The following MYT1 variants were observed in gnomAD, a reference collection of about 807,000 sequenced individuals.
MYT1 encodes myelin transcription factor 1.
In MYT1, 23 loss-of-function variants were observed where a neutral mutation model predicts 123.0. The observed-to-expected ratio is 0.19, with a 90% CI of 0.13 to 0.26. The LOEUF is 0.26. Ranked by LOEUF, MYT1 falls within the 10% of genes least tolerant of loss-of-function variation. The pLI is 1.00. For synonymous variants in MYT1, 518 were observed against 575.3 expected (o/e 0.90, Z 1.43); for missense variants, 1,125 against 1,472.5 (o/e 0.76, Z 3.86).
chr20:64,181,852 C>A (rs922065268), intron 1 of MYT1, among the ~76,000 whole-genome samples: 3 of 152,150 alleles, frequency 2.0e-5, no homozygotes, highest in African/African-American at 4.8e-5. Flanking sequence ...CTCCAGGAGC[C>A]ATGTGACATG....
At chr20:64,169,660 C>G (rs2145686851) in intron 1 of MYT1, among the ~76,000 whole-genome samples, 1 of 152,226 alleles carries the variant, frequency 6.6e-6, no homozygotes, top group Non-Finnish European at 1.5e-5. Context: ...CTGCCCTTAC[C>G]AAAGTTTTGT....
Position 64,168,441 on chromosome 20 carries a change from A to G in MYT1, c.-99+3702A>G, listed in dbSNP as rs982002196. ...TTTTACAATTTGCACTTAAAAATGC[A>G]ATGTTATTTTAATCGGGAACGAAAG... On this transcript the variant is annotated intron_variant, in intron 1 of 22. Coordinates refer to ENST00000328439, the MANE Select transcript of MYT1 (RefSeq NM_004535.3). The surrounding 1 kb of genome is among the most constrained non-coding windows in gnomAD (Gnocchi z 6.1). 1.3e-5 allele frequency among the ~76,000 whole-genome samples: 2 copies of G among 152,158 alleles called. No homozygotes were observed. The highest frequency in any genetic ancestry group is 4.8e-5 in the African/African-American group (2 of 41,424).
At chr20:64,199,330 T>C (rs991235411) in intron 3 of MYT1, among the ~76,000 whole-genome samples, 15 of 152,178 alleles carry the variant, frequency 9.9e-5, no homozygotes, top group African/African-American at 3.1e-4. Flanking sequence ...GGAGGCTGAC[T>C]CTGTTAGGAT....
At chr20:64,236,005 G>A (rs1263368500) in intron 19 of MYT1, among the ~76,000 whole-genome samples, 1 of 133,336 alleles carries the variant, frequency 7.5e-6, no homozygotes, top group Non-Finnish European at 1.6e-5. Context: ...GCTGGCCGCG[G>A]TGGGTGACCC....
rs1982801282 is a variant in MYT1, at chr20:64,186,352, T to C, written c.-98-3711T>C. The stretch of plus-strand genomic sequence containing the variant: ...GTGCTCAGGATGGAGCGGTCTCTGA[T>C]GTTCCGTTTCCCATTCGCATCCACG... On this transcript the variant is annotated intron_variant, in intron 1 of 22. Coordinates refer to ENST00000328439, the MANE Select transcript of MYT1 (RefSeq NM_004535.3). This position sits in a 1 kb window ranked among gnomAD's most constrained non-coding sequence, Gnocchi z 4.3. 6.6e-6 allele frequency among the ~76,000 whole-genome samples: 1 copy of C among 152,176 alleles called. No homozygotes were observed. The highest frequency in any genetic ancestry group is 1.5e-5 in the Non-Finnish European group (1 of 68,022).
chr20:64,180,342 T>G (rs553236785), intron 1 of MYT1, among the ~76,000 whole-genome samples: 1 of 152,282 alleles, frequency 6.6e-6, no homozygotes, highest in South Asian at 2.1e-4. Context: ...CCACACAGGG[T>G]TCATTCTAAG....
chr20:64,167,573 A>G lies in MYT1; in HGVS notation c.-99+2834A>G, dbSNP rs1034584439. Among the ~76,000 whole-genome samples, 7 of 152,172 alleles carry G rather than the reference A, an allele frequency of 4.6e-5. No homozygotes were observed. Among genetic ancestry groups the G allele is most frequent in the African/African-American group, 1.2e-4 (5 of 41,416 alleles). On this transcript the variant is annotated intron_variant, in intron 1 of 22. Transcript: ENST00000328439. This position sits in a 1 kb window ranked among gnomAD's most constrained non-coding sequence, Gnocchi z 6.3. Reference sequence around the variant, plus strand: ...GTACTGGACGGTCAGCCAGACTTTCATGTTACTCAGGCATCTTGAAGAGTG... The same window carrying G: ...GTACTGGACGGTCAGCCAGACTTTCGTGTTACTCAGGCATCTTGAAGAGTG...
intron 22 of MYT1, 102 bp from the exon 23 acceptor site, chr20:64,240,218 C>T (rs1467805701): frequency 6.6e-7 from 1 of 1,518,232 alleles, no homozygotes; most frequent in Non-Finnish European, 8.9e-7. Context: ...GTGGGCTTGT[C>T]TCAGGTCACG....
chr20:64,204,971 T>C, intron 4 of MYT1, 64 bp from the exon 5 acceptor site: 1 of 1,545,132 alleles, frequency 6.5e-7, no homozygotes, highest in South Asian at 1.1e-5. Flanking sequence ...GGTGAAGGTC[T>C]GCGACAGGCT....
Position 64,185,185 on chromosome 20 carries a change from A to G in MYT1, c.-98-4878A>G, listed in dbSNP as rs1236662143. Reference sequence around the variant, plus strand: ...TTGAAGAGTTGGGAAGAGTAGTTCAATATTCCAGAAGAATGGAGGGAAGAG... The same window carrying G: ...TTGAAGAGTTGGGAAGAGTAGTTCAGTATTCCAGAAGAATGGAGGGAAGAG... On this transcript the variant is annotated intron_variant, in intron 1 of 22. Coordinates refer to ENST00000328439, the MANE Select transcript of MYT1 (RefSeq NM_004535.3). The surrounding 1 kb of genome is among the most constrained non-coding windows in gnomAD (Gnocchi z 4.5). Among the ~76,000 whole-genome samples, 1 of 152,340 alleles carries G rather than the reference A, an allele frequency of 6.6e-6. No homozygotes were observed. Among genetic ancestry groups the G allele is most frequent in the South Asian group, 2.1e-4 (1 of 4,828 alleles).
rs545730143 is a variant in MYT1 at position 64,181,222 on chromosome 20, C to T, written c.-98-8841C>T. The stretch of plus-strand genomic sequence containing the variant: ...TTGGATGTGGGTCTCTTTTTATTCA[C>T]GATTATGGGCACTTAATGGGCTTTT... On this transcript the variant is annotated intron_variant, in intron 1 of 22. Coordinates refer to ENST00000328439, the MANE Select transcript of MYT1 (RefSeq NM_004535.3). Among the ~76,000 whole-genome samples, 10 of 152,028 alleles carry T rather than the reference C, an allele frequency of 6.6e-5. No homozygotes were observed. In the East Asian group the frequency reaches 7.7e-4, roughly 12 times the overall value.
intron 1 of MYT1, among the ~76,000 whole-genome samples, chr20:64,179,187 G>C (rs1369993581): frequency 4.0e-5 from 6 of 151,228 alleles, no homozygotes; most frequent in Non-Finnish European, 1.5e-5. Flanking sequence ...TATTCGGTGA[G>C]ATACCCTTCA....
intron 7 of MYT1, among the ~76,000 whole-genome samples, chr20:64,209,286 C>T (rs1385668368): frequency 6.6e-6 from 1 of 152,180 alleles, no homozygotes; most frequent in Non-Finnish European, 1.5e-5. Flanking sequence ...ATCTCAGATT[C>T]CTCCTGGGAC....
In MYT1 at chr20:64,166,232, C is replaced by G. The variant is rs1378618050; in HGVS notation, c.-99+1493C>G. 6.6e-6 allele frequency among the ~76,000 whole-genome samples: 1 copy of G among 152,148 alleles called. No individual in the cohort carries two copies. Among genetic ancestry groups the G allele is most frequent in the Non-Finnish European group, 1.5e-5 (1 of 68,014 alleles). On this transcript the variant is annotated intron_variant, in intron 1 of 22. Coordinates refer to ENST00000328439, the MANE Select transcript of MYT1 (RefSeq NM_004535.3). The surrounding 1 kb of genome is among the most constrained non-coding windows in gnomAD (Gnocchi z 4.9). ...GTGCTGCTATCAGTAGAGGCAGGAC[C>G]CTGCCCTGTCTCCCTCGGTAGCTGT...
rs1408162610 is a variant in MYT1 at position 64,241,757 on chromosome 20, C to T, written c.*1309C>T. Reference sequence around the variant, plus strand: ...GCCACAAAAAATCTTGATATAACTCCTAGTTATAATTTTGATGCAACCAAG... The same window carrying T: ...GCCACAAAAAATCTTGATATAACTCTTAGTTATAATTTTGATGCAACCAAG... On this transcript the variant is annotated 3_prime_UTR_variant, in exon 23 of 23. Coordinates refer to ENST00000328439, the MANE Select transcript of MYT1 (RefSeq NM_004535.3). This position sits in a 1 kb window ranked among gnomAD's most constrained non-coding sequence, Gnocchi z 4.2. 1 of 152,438 alleles carries T rather than the reference C, an allele frequency of 6.6e-6. No homozygotes were observed. Among genetic ancestry groups the T allele is most frequent in the East Asian group, 1.9e-4 (1 of 5,192 alleles). 9.4% of individuals were successfully genotyped at this position (152,438 alleles called of 1,614,324 possible).
intron 1 of MYT1, among the ~76,000 whole-genome samples, chr20:64,184,958 C>T (rs117634090): frequency 0.051 from 7,705 of 152,268 alleles, 212 homozygotes; most frequent in Middle Eastern, 0.075. Flanking sequence ...TGAACAGACA[C>T]GCACCGCAGT....
At position 64,202,310 on chromosome 20, in the gene MYT1, T is replaced by C. The variant is rs971772356; in HGVS notation, c.86+2388T>C. On this transcript the variant is annotated intron_variant, in intron 4 of 22. Coordinates refer to ENST00000328439, the MANE Select transcript of MYT1 (RefSeq NM_004535.3). This position sits in a 1 kb window ranked among gnomAD's most constrained non-coding sequence, Gnocchi z 5.0. ...GTGCCTGAGCGAAGAAGCAGTTTGA[T>C]GGTTTTTCCTTTCACCCCATCGGGA... 3.3e-5 allele frequency among the ~76,000 whole-genome samples: 5 copies of C among 152,164 alleles called. No individual in the cohort carries two copies. Among genetic ancestry groups the C allele is most frequent in the African/African-American group, 1.2e-4 (5 of 41,444 alleles).
At chr20:64,215,258 C>A (rs1262902522) in intron 10 of MYT1, among the ~76,000 whole-genome samples, 1 of 152,198 alleles carries the variant, frequency 6.6e-6, no homozygotes, top group Non-Finnish European at 1.5e-5. Flanking sequence ...TTGGAGACTG[C>A]ACTCCCTGGG....
intron 4 of MYT1, 21 bp downstream of exon 4, chr20:64,199,943 G>C: frequency 1.9e-6 from 3 of 1,613,552 alleles, no homozygotes; most frequent in Non-Finnish European, 2.5e-6. Context: ...CTTCCTGTTA[G>C]CACCAAGCAT....
Sources: allele counts gnomAD v4.1 joint callset (sites outside exome capture counted in the v4.1 genomes callset), GRCh38; gene constraint gnomAD v4.1.1; non-coding constraint Gnocchi (gnomAD v3.1); transcripts MANE v1.5; gene names NCBI Gene and HGNC (gene_info 2026-07-23, HGNC 2026-07-21).